Variants in SLCO6A1 observed in about 807,000 individuals in gnomAD.
SLCO6A1 encodes the protein solute carrier organic anion transporter family member 6A1, also known as cancer/testis antigen 48.
Under a neutral mutation model 72.7 loss-of-function variants are expected in SLCO6A1, and 65 were observed. The observed-to-expected ratio is 0.89, with a 90% confidence interval of 0.73 to 1.10. The LOEUF is 1.10. Among genes scored for constraint, SLCO6A1 ranks in the 50% least tolerant of loss-of-function variants. The pLI is 0.00. For missense variants in SLCO6A1, 874 were observed against 872.6 expected (o/e 1.00, Z -0.02); for synonymous variants, 314 against 298.2 (o/e 1.05, Z -0.55).
chr5:102,485,405 G>A (rs530973652), intron 1 of SLCO6A1, among the ~76,000 whole-genome samples: 12 of 152,138 alleles, frequency 7.9e-5, no homozygotes, highest in Non-Finnish European at 1.5e-4. Flanking sequence ...TATGGCAGAG[G>A]CCTTGGGCCA....
intron 9 of SLCO6A1, among the ~76,000 whole-genome samples, chr5:102,411,462 G>T (rs1010995092): frequency 6.6e-6 from 1 of 151,920 alleles, no homozygotes; most frequent in Non-Finnish European, 1.5e-5. Flanking sequence ...ACAGGGTTTC[G>T]CCATGTTGCC....
Position 102,438,738 on chromosome 5 carries a change from G to A in SLCO6A1, c.1155C>T (p.Leu385=), listed in dbSNP as rs1749681848. ...ALWILMKNPV[L]ICLALSKATE... The stretch of plus-strand genomic sequence containing the variant: ...TAGCTTTTGACAGAGCTAGGCATAT[G>A]AGCACTGGATTCTTCATCAGAATCT... The change falls in exon 7 of 14, where the codon CTC becomes CTT. Residue 385 remains leucine, a synonymous_variant. Coordinates refer to ENST00000506729, the MANE Select transcript of SLCO6A1 (RefSeq NM_173488.5). The A allele has an allele frequency of 5.1e-6, 8 of 1,563,998 alleles. No individual in the cohort carries two copies. Among genetic ancestry groups the A allele is most frequent in the South Asian group, 3.7e-5 (3 of 80,186 alleles).
At chr5:102,450,755 A>G (rs550135095) in intron 6 of SLCO6A1, among the ~76,000 whole-genome samples, 1 of 149,830 alleles carries the variant, frequency 6.7e-6, no homozygotes, top group African/African-American at 2.4e-5. Context: ...TGATTAGCCC[A>G]GGGTGAAGCA....
chr5:102,427,144 A>G (rs1346157735), intron 7 of SLCO6A1, among the ~76,000 whole-genome samples: 1 of 152,136 alleles, frequency 6.6e-6, no homozygotes, highest in African/African-American at 2.4e-5. Context: ...TAAAATATAA[A>G]TAAGAAACCT....
chr5:102,490,589 C>T (rs373186311), intron 1 of SLCO6A1, among the ~76,000 whole-genome samples: 2 of 152,266 alleles, frequency 1.3e-5, no homozygotes, highest in East Asian at 3.9e-4. Flanking sequence ...TGTTACAGTT[C>T]TTAAAGGCGG....
rs546740295 is a variant in SLCO6A1, at chr5:102,397,286, A to G, written c.1814+2269T>C. 5.9e-5 allele frequency among the ~76,000 whole-genome samples: 9 copies of G among 152,100 alleles called. No homozygotes were observed. In the South Asian group the frequency reaches 1.7e-3, roughly 28 times the overall value. On this transcript the variant is annotated intron_variant, in intron 10 of 13. Transcript: ENST00000506729. ...ACTTACTCATTTTTGAATGCAATAC[A>G]TTTTCTTAAACTTGAGGAAGTTTCC...
chr5:102,377,602 C>A (rs994140901), intron 12 of SLCO6A1, among the ~76,000 whole-genome samples: 9 of 151,372 alleles, frequency 5.9e-5, no homozygotes, highest in Non-Finnish European at 1.3e-4. Flanking sequence ...AATTACACCT[C>A]AGTTTTTTTT....
intron 10 of SLCO6A1, among the ~76,000 whole-genome samples, chr5:102,392,338 T>A (rs2400801): frequency 0.64 from 96,979 of 151,730 alleles, 31,194 homozygotes; most frequent in African/African-American, 0.66. Flanking sequence ...AAAGAGAGTT[T>A]AAAAAGTCAC....
At chr5:102,383,490 T>C (rs898007511) in intron 12 of SLCO6A1, among the ~76,000 whole-genome samples, 1 of 151,784 alleles carries the variant, frequency 6.6e-6, no homozygotes, top group Non-Finnish European at 1.5e-5. Context: ...TTATGGAATA[T>C]CACATTAACT....
intron 7 of SLCO6A1, among the ~76,000 whole-genome samples, chr5:102,426,753 C>A (rs1471276212): frequency 6.6e-6 from 1 of 152,186 alleles, no homozygotes; most frequent in East Asian, 1.9e-4. Context: ...TTTGGCCCAG[C>A]AATCCCATTA....
At chr5:102,474,506 T>C (rs989008857) in intron 4 of SLCO6A1, among the ~76,000 whole-genome samples, 1 of 152,040 alleles carries the variant, frequency 6.6e-6, no homozygotes, top group Non-Finnish European at 1.5e-5. Context: ...CTTCATGCCA[T>C]TGGATTTGAC....
At chr5:102,465,624 T>C (rs567761617) in intron 4 of SLCO6A1, among the ~76,000 whole-genome samples, 3 of 152,008 alleles carry the variant, frequency 2.0e-5, no homozygotes, top group Non-Finnish European at 4.4e-5. Flanking sequence ...AGAATAAAAA[T>C]TAGAAGAAAA....
chr5:102,403,523 A>G (rs1424647299), intron 9 of SLCO6A1, among the ~76,000 whole-genome samples: 1 of 152,170 alleles, frequency 6.6e-6, no homozygotes, highest in Non-Finnish European at 1.5e-5. Flanking sequence ...TATGTATAAT[A>G]TGCTCCCATT....
intron 1 of SLCO6A1, among the ~76,000 whole-genome samples, chr5:102,491,707 C>T (rs765658982): frequency 2.7e-4 from 41 of 152,352 alleles, no homozygotes; most frequent in Non-Finnish European, 5.1e-4. Flanking sequence ...TGCGCAGCCC[C>T]GGTTCCCGCC....
At chr5:102,445,083 T>C (rs1750035407) in intron 6 of SLCO6A1, among the ~76,000 whole-genome samples, 2 of 152,218 alleles carry the variant, frequency 1.3e-5, no homozygotes, top group African/African-American at 4.8e-5. Flanking sequence ...TTTGGGTTTA[T>C]ATCCAGTAAT....
chr5:102,448,131 C>T (rs1359559857), intron 6 of SLCO6A1, among the ~76,000 whole-genome samples: 1 of 152,124 alleles, frequency 6.6e-6, no homozygotes, highest in Admixed American at 6.5e-5. Context: ...ATTGTTTACC[C>T]AAAAGTCACT....
intron 12 of SLCO6A1, among the ~76,000 whole-genome samples, chr5:102,376,205 A>G (rs1745784763): frequency 6.6e-6 from 1 of 152,162 alleles, no homozygotes; most frequent in Non-Finnish European, 1.5e-5. Flanking sequence ...TCAAAAATAA[A>G]CATAGCCAAA....
chr5:102,445,592 T>C (rs1372426358), intron 6 of SLCO6A1, among the ~76,000 whole-genome samples: 1 of 152,206 alleles, frequency 6.6e-6, no homozygotes, highest in Non-Finnish European at 1.5e-5. Context: ...GTCCCACTTG[T>C]CAATTTTTGT....
At chr5:102,395,175 T>C (rs1032653090) in intron 10 of SLCO6A1, among the ~76,000 whole-genome samples, 1 of 152,136 alleles carries the variant, frequency 6.6e-6, no homozygotes, top group Non-Finnish European at 1.5e-5. Context: ...TATCTCCTAA[T>C]GCTATCCCTC....
Sources: allele counts gnomAD v4.1 joint callset (sites outside exome capture counted in the v4.1 genomes callset), GRCh38; gene constraint gnomAD v4.1.1; transcripts MANE v1.5; gene names NCBI Gene and HGNC (gene_info 2026-07-23, HGNC 2026-07-21).